CYP4X1: variants seen among roughly 807,000 people sequenced by gnomAD.
CYP4X1 encodes the protein cytochrome P450 family 4 subfamily X member 1.
Under a neutral mutation model 57.9 loss-of-function variants are expected in CYP4X1, and 44 were observed. The ratio of observed to expected loss-of-function variants is 0.76; its 90% confidence interval spans 0.60 to 0.98. The LOEUF (loss-of-function observed/expected upper bound fraction) is 0.98. Ranked by LOEUF, CYP4X1 falls within the 50% of genes least tolerant of loss-of-function variation. CYP4X1 has a pLI of 0.00. For missense variants in CYP4X1, 532 were observed against 623.9 expected (o/e 0.85, Z 1.57); for synonymous variants, 227 against 228.6 (o/e 0.99, Z 0.06).
At chr1:47,037,510 A>T (rs1396284508) in intron 6 of CYP4X1, among the ~76,000 whole-genome samples, 1 of 152,066 alleles carries the variant, frequency 6.6e-6, no homozygotes, top group Non-Finnish European at 1.5e-5. Context: ...GATTTTTAGT[A>T]ATCACAAAAA....
At chr1:47,036,235 A>G in intron 6 of CYP4X1, 64 bp downstream of exon 6, 1 of 1,501,824 alleles carries the variant, frequency 6.7e-7, no homozygotes, top group Non-Finnish European at 8.9e-7. Flanking sequence ...GTCTGTCTAG[A>G]GGGATAAACC....
At chr1:47,006,325 T>C in the CYP4X1 span, among the ~76,000 whole-genome samples, 1 of 152,170 alleles carries the variant, frequency 6.6e-6, no homozygotes, top group Non-Finnish European at 1.5e-5. Context: ...TCACTAAAGT[T>C]TTAGGTTACC....
At chr1:47,045,300 T>C (rs1348249012) in intron 8 of CYP4X1, among the ~76,000 whole-genome samples, 1 of 152,172 alleles carries the variant, frequency 6.6e-6, no homozygotes, top group African/African-American at 2.4e-5. Flanking sequence ...TCTGACTAGA[T>C]TGGATGCAGA....
At chr1:47,001,561 G>A in the CYP4X1 span, among the ~76,000 whole-genome samples, 1 of 152,268 alleles carries the variant, frequency 6.6e-6, no homozygotes, top group East Asian at 1.9e-4. Flanking sequence ...GAGGGGCAGT[G>A]GGTGGGTGGT....
chr1:46,964,054 C>T, the CYP4X1 span, among the ~76,000 whole-genome samples: 237 of 152,342 alleles, frequency 1.6e-3, 2 homozygotes, highest in African/African-American at 5.5e-3. Context: ...GAGGCTTATG[C>T]ATTCATCACG....
At chr1:47,023,520 TC>T (rs1455739477), upstream of CYP4X1, 4 of 1,152,102 alleles carry the variant, frequency 3.5e-6, no homozygotes, top group African/African-American at 6.4e-5. Context: ...TAAATTCAGA[TC>T]CCGTGACTGA....
chr1:47,051,953 A>C (rs1247861662), downstream of CYP4X1, among the ~76,000 whole-genome samples: 1 of 152,266 alleles, frequency 6.6e-6, no homozygotes, highest in East Asian at 1.9e-4. Context: ...AATTGTACTG[A>C]ATACAATATT....
chr1:46,968,404 G>T, the CYP4X1 span, among the ~76,000 whole-genome samples: 1 of 152,126 alleles, frequency 6.6e-6, no homozygotes, highest in Non-Finnish European at 1.5e-5. Context: ...GCATCCTAAT[G>T]CCCCAGCTGT....
At chr1:46,981,119 A>G in the CYP4X1 span, among the ~76,000 whole-genome samples, 64 of 152,356 alleles carry the variant, frequency 4.2e-4, no homozygotes, top group Middle Eastern at 3.4e-3. Flanking sequence ...AACAGAAGCC[A>G]AAATTGACAA....
the CYP4X1 span, among the ~76,000 whole-genome samples, chr1:46,975,060 T>C: frequency 1.3e-5 from 2 of 152,228 alleles, no homozygotes; most frequent in Non-Finnish European, 2.9e-5. Context: ...CTTTGTATCA[T>C]AAAAATCCAG....
intron 1 of CYP4X1, among the ~76,000 whole-genome samples, chr1:47,028,127 A>G (rs368677013): frequency 3.9e-5 from 6 of 152,232 alleles, no homozygotes; most frequent in Admixed American, 2.6e-4. Context: ...CATTTATTCA[A>G]TAGCCAACAT....
chr1:46,968,256 A>G, the CYP4X1 span, among the ~76,000 whole-genome samples: 15 of 152,130 alleles, frequency 9.9e-5, no homozygotes, highest in African/African-American at 3.1e-4. Context: ...TAGCCTTATA[A>G]TTCTACTCCA....
the CYP4X1 span, among the ~76,000 whole-genome samples, chr1:46,979,080 G>C: frequency 2.0e-5 from 3 of 152,068 alleles, no homozygotes. Context: ...AGAAGCAAGA[G>C]CAAACACATT....
downstream of CYP4X1, among the ~76,000 whole-genome samples, chr1:47,051,378 CAAA>C (rs71658807): frequency 5.2e-5 from 7 of 135,186 alleles, no homozygotes; most frequent in Admixed American, 7.5e-5. Context: ...GACTCCATCT[CAAA>C]AAAAAAAAAA....
At position 47,036,017 on chromosome 1, in the gene CYP4X1, C is replaced by T. The variant is rs777791482; in HGVS notation, c.621C>T (p.Ser207=). Residue 207 remains serine (S), a splice_region_variant and synonymous_variant, in exon 6 of 12, where the codon AGC becomes AGT. Transcript: ENST00000371901. ...ACATTATCCCAACTTTCTCTTCTAG[C>T]ACCCATGATCCTTATGCAAAAGCCA... is the stretch of plus-strand genomic sequence containing the variant. ...FSKETNCQTN[S]THDPYAKAIF... 1 of 1,610,618 alleles carries T rather than the reference C, an allele frequency of 6.2e-7. No homozygotes were observed.
chr1:46,997,804 T>A, the CYP4X1 span, among the ~76,000 whole-genome samples: 2 of 152,234 alleles, frequency 1.3e-5, no homozygotes, highest in Non-Finnish European at 2.9e-5. Flanking sequence ...GTTGGACTAA[T>A]TTACATTACC....
chr1:46,989,804 G>C, the CYP4X1 span, among the ~76,000 whole-genome samples: 2 of 152,168 alleles, frequency 1.3e-5, no homozygotes, highest in Admixed American at 1.3e-4. Context: ...AATGGGGAAA[G>C]GATTCCCTTA....
the CYP4X1 span, among the ~76,000 whole-genome samples, chr1:47,016,742 T>TA: frequency 6.6e-6 from 1 of 152,250 alleles, no homozygotes; most frequent in Admixed American, 6.5e-5. Flanking sequence ...GTGTTACAAA[T>TA]AATCCAATTA....
the CYP4X1 span, among the ~76,000 whole-genome samples, chr1:46,970,448 T>C: frequency 6.6e-6 from 1 of 152,178 alleles, no homozygotes; most frequent in South Asian, 2.1e-4. Flanking sequence ...CGTATGAACA[T>C]AGGGGCCCAG....
Sources: gnomAD v4.1 joint callset for allele counts (sites outside exome capture counted in the v4.1 genomes callset) on GRCh38, gnomAD v4.1.1 for gene constraint, MANE v1.5 for transcripts, NCBI Gene and HGNC (gene_info 2026-07-23, HGNC 2026-07-21) for gene names.